Variants in QTMAN observed in about 807,000 individuals in gnomAD.
QTMAN encodes the protein queuosine-tRNA mannosyltransferase.
At chr2:144,079,347 CTGA>C in the QTMAN span, among the ~76,000 whole-genome samples, 3 of 152,068 alleles carry the variant, frequency 2.0e-5, no homozygotes, top group Non-Finnish European at 2.9e-5. Context: ...AGCAATTTTA[CTGA>C]TGATTTCTTT....
the QTMAN span, among the ~76,000 whole-genome samples, chr2:144,220,240 T>C: frequency 1.3e-5 from 2 of 152,082 alleles, no homozygotes; most frequent in African/African-American, 4.8e-5. Flanking sequence ...AGAAAAAGAG[T>C]CAGTCTGTTA....
chr2:144,188,537 GGATGGATGGATGGACT>G, the QTMAN span, among the ~76,000 whole-genome samples: 1 of 151,014 alleles, frequency 6.6e-6, no homozygotes, highest in South Asian at 2.1e-4. Flanking sequence ...ATGGATGGAT[GGATGGATGGATGGACT>G]GATGGAAGGA....
chr2:144,306,150 A>G, the QTMAN span, among the ~76,000 whole-genome samples: 1 of 152,334 alleles, frequency 6.6e-6, no homozygotes, highest in South Asian at 2.1e-4. Context: ...TGGTTTTTAC[A>G]TAGATGCCCT....
chr2:144,041,529 A>G, the QTMAN span, among the ~76,000 whole-genome samples: 1 of 152,232 alleles, frequency 6.6e-6, no homozygotes, highest in African/African-American at 2.4e-5. Flanking sequence ...CTAATAGAAA[A>G]TAATTATAGT....
At chr2:144,312,564 TCTC>T in the QTMAN span, among the ~76,000 whole-genome samples, 17 of 152,266 alleles carry the variant, frequency 1.1e-4, 1 homozygote, top group South Asian at 3.3e-3. Flanking sequence ...CGCCAGTCAT[TCTC>T]CTCCCCTCCA....
chr2:144,296,413 T>C, the QTMAN span, among the ~76,000 whole-genome samples: 1 of 152,244 alleles, frequency 6.6e-6, no homozygotes, highest in African/African-American at 2.4e-5. Flanking sequence ...CAGGGACATT[T>C]AGTGTAGTAT....
the QTMAN span, among the ~76,000 whole-genome samples, chr2:143,988,957 G>A: frequency 1.3e-5 from 2 of 152,112 alleles, no homozygotes; most frequent in Non-Finnish European, 2.9e-5. Context: ...CACAGTACTT[G>A]AACATGTTTT....
At chr2:143,968,694 G>T in the QTMAN span, among the ~76,000 whole-genome samples, 1 of 152,146 alleles carries the variant, frequency 6.6e-6, no homozygotes, top group African/African-American at 2.4e-5. Flanking sequence ...AACACCTCAA[G>T]GCTGGTACAA....
At chr2:143,952,738 T>C in the QTMAN span, 3 of 1,305,440 alleles carry the variant, frequency 2.3e-6, no homozygotes, top group Non-Finnish European at 2.2e-6. Context: ...ATATATTAAA[T>C]CTCAATAAAG....
At chr2:144,189,456 T>C in the QTMAN span, among the ~76,000 whole-genome samples, 1 of 152,194 alleles carries the variant, frequency 6.6e-6, no homozygotes, top group African/African-American at 2.4e-5. Context: ...CTACAGAGCA[T>C]TAAAGATATT....
At chr2:143,970,770 T>C in the QTMAN span, 8 of 1,384,356 alleles carry the variant, frequency 5.8e-6, no homozygotes, top group Non-Finnish European at 8.2e-6. Flanking sequence ...TCCCTGGAAA[T>C]AAACACACAA....
chr2:143,980,224 T>TC, the QTMAN span, among the ~76,000 whole-genome samples: 5 of 152,058 alleles, frequency 3.3e-5, no homozygotes, highest in East Asian at 3.9e-4. Context: ...GTGTGTTGTT[T>TC]CCCCCCGTGT....
the QTMAN span, among the ~76,000 whole-genome samples, chr2:144,115,644 A>G: frequency 7.2e-5 from 11 of 152,180 alleles, no homozygotes; most frequent in Admixed American, 7.2e-4. Flanking sequence ...GCTTGGTGGC[A>G]ATGTCACTGG....
the QTMAN span, among the ~76,000 whole-genome samples, chr2:143,994,448 AG>A: frequency 6.6e-6 from 1 of 152,204 alleles, no homozygotes; most frequent in African/African-American, 2.4e-5. Flanking sequence ...AAATGTACCA[AG>A]AGCATTATTC....
chr2:144,332,233 G>T, the QTMAN span, among the ~76,000 whole-genome samples: 1 of 151,678 alleles, frequency 6.6e-6, no homozygotes, highest in African/African-American at 2.4e-5. Context: ...AGCGCAGCGC[G>T]TGCGCCCGGG....
chr2:144,130,958 T>C, the QTMAN span, among the ~76,000 whole-genome samples: 2 of 151,962 alleles, frequency 1.3e-5, no homozygotes, highest in Admixed American at 6.6e-5. Flanking sequence ...TAATTCAATA[T>C]ACTCCTGCTT....
At chr2:144,174,420 G>C in the QTMAN span, among the ~76,000 whole-genome samples, 1 of 152,098 alleles carries the variant, frequency 6.6e-6, no homozygotes, top group Non-Finnish European at 1.5e-5. Context: ...CCAGTGTCTC[G>C]AAAATCATAT....
At chr2:144,049,507 A>G in the QTMAN span, among the ~76,000 whole-genome samples, 1 of 152,224 alleles carries the variant, frequency 6.6e-6, no homozygotes, top group Non-Finnish European at 1.5e-5. Context: ...ATAATTGGTA[A>G]AAATAAGGAA....
At chr2:144,183,944 C>A in the QTMAN span, among the ~76,000 whole-genome samples, 26 of 152,174 alleles carry the variant, frequency 1.7e-4, no homozygotes, top group African/African-American at 6.0e-4. Context: ...ACAGGAAATG[C>A]AAATCATGCA....
Sources: allele counts gnomAD v4.1 joint callset (sites outside exome capture counted in the v4.1 genomes callset), GRCh38; gene constraint gnomAD v4.1.1; transcripts MANE v1.5; gene names NCBI Gene and HGNC (gene_info 2026-07-23, HGNC 2026-07-21).